TMEM63B: variants seen among roughly 807,000 people sequenced by gnomAD.
TMEM63B encodes mechanosensitive cation channel TMEM63B.
TMEM63B carries 23 observed loss-of-function variants against 102.6 expected under a neutral mutation model. The ratio of observed to expected loss-of-function variants is 0.22; its 90% confidence interval spans 0.16 to 0.32. TMEM63B has a LOEUF of 0.32. Ranked by LOEUF, TMEM63B falls within the 10% of genes least tolerant of loss-of-function variation. The pLI, the probability that TMEM63B is intolerant of heterozygous loss-of-function variation, is 1.00. For missense variants in TMEM63B, 628 were observed against 1,095.9 expected, an observed-to-expected ratio of 0.57 and a Z score of 6.03; for synonymous variants, 444 against 437.0, an observed-to-expected ratio of 1.02 and a Z score of -0.20.
In TMEM63B at chr6:44,138,462, A is replaced by G. The variant is rs2128234007; in HGVS notation, c.370-18A>G. On this transcript the variant is annotated intron_variant, in intron 5 of 23. Coordinates refer to ENST00000323267, the MANE Select transcript of TMEM63B (RefSeq NM_018426.3). The stretch of plus-strand genomic sequence containing the variant: ...TGGTGGGCTGGGGACTCCCGCTGAC[A>G]GCCCTCTGTTCCCCCAGGGTTTCTG... 6.2e-7 allele frequency: 1 copy of G among 1,614,042 alleles called. No individual in the cohort carries two copies. The highest frequency in any genetic ancestry group is 8.5e-7 in the Non-Finnish European group (1 of 1,179,996).
At chr6:44,135,913 A>G (rs1001643598) in intron 4 of TMEM63B, among the ~76,000 whole-genome samples, 1 of 151,996 alleles carries the variant, frequency 6.6e-6, no homozygotes, top group African/African-American at 2.4e-5. Flanking sequence ...GTAGGGTCCC[A>G]CCCAGGAGAC....
Position 44,152,798 on chromosome 6 carries a change from C to T in TMEM63B, c.1942+100C>T, listed in dbSNP as rs551429734. ...CAGGCCACCCCGAGTGGACAGGGCC[C>T]GGCTGGGAGACCGGCCCCTCGGGGC... On this transcript the variant is annotated intron_variant, in intron 20 of 23. Coordinates refer to ENST00000323267, the MANE Select transcript of TMEM63B (RefSeq NM_018426.3). The surrounding 1 kb of genome is among the most constrained non-coding windows in gnomAD (Gnocchi z 6.4). The T allele has an allele frequency of 6.9e-6, 7 of 1,013,026 alleles. No individual in the cohort carries two copies. The highest frequency in any genetic ancestry group is 1.4e-5 in the South Asian group (1 of 71,928). 62.8% of individuals were successfully genotyped at this position (1,013,026 alleles called of 1,614,324 possible).
intron 9 of TMEM63B, 161 bp downstream of exon 9, chr6:44,140,521 C>G: frequency 2.9e-6 from 2 of 700,084 alleles, no homozygotes; most frequent in Non-Finnish European, 5.2e-6. Flanking sequence ...CCTCCCAAGC[C>G]ATGATTTTCT....
Position 44,134,626 on chromosome 6 carries a change from C to T in TMEM63B, c.42C>T (p.Leu14=). 2 of 1,614,186 alleles carry T rather than the reference C, an allele frequency of 1.2e-6. No homozygotes were observed. The highest frequency in any genetic ancestry group is 4.5e-5 in the East Asian group (2 of 44,892). Residue 14 remains leucine, a synonymous_variant, in exon 2 of 24, where the codon CTC becomes CTT. Transcript: ENST00000323267. ...FLLATLGTTA[L]NNSNPKDYCY... ...TGGCCACACTGGGCACCACAGCCCT[C>T]AACAACAGCAACCCCAAGGACTACT...
intron 15 of TMEM63B, 147 bp from the exon 16 acceptor site, chr6:44,149,712 C>T: frequency 1.6e-6 from 1 of 641,872 alleles, no homozygotes; most frequent in Non-Finnish European, 2.7e-6. Context: ...CCCACCCTCA[C>T]CCCAGCCCTC....
intron 1 of TMEM63B, among the ~76,000 whole-genome samples, chr6:44,133,683 G>C (rs956492130): frequency 1.6e-4 from 25 of 152,236 alleles, no homozygotes; most frequent in African/African-American, 6.0e-4. Flanking sequence ...CATCAATGCA[G>C]CCGGCCAGTT....
At chr6:44,129,365 CAAAA>C (rs11331641) in intron 1 of TMEM63B, among the ~76,000 whole-genome samples, 2 of 103,144 alleles carry the variant, frequency 1.9e-5, no homozygotes, top group Non-Finnish European at 2.0e-5. Flanking sequence ...AAGACTGTCT[CAAAA>C]AAAAAAAAAA....
At chr6:44,147,708 G>T (rs1445260949) in intron 12 of TMEM63B, among the ~76,000 whole-genome samples, 1 of 152,240 alleles carries the variant, frequency 6.6e-6, no homozygotes, top group Non-Finnish European at 1.5e-5. Context: ...ATGTTGTGCT[G>T]TACCCACTGA....
intron 10 of TMEM63B, among the ~76,000 whole-genome samples, chr6:44,142,573 T>C (rs901669307): frequency 1.2e-4 from 19 of 152,130 alleles, no homozygotes; most frequent in African/African-American, 4.3e-4. Flanking sequence ...GTTCATAGTA[T>C]GGCAGTCGGC....
At chr6:44,140,105 C>T in intron 8 of TMEM63B, 147 bp from the exon 9 acceptor site, 1 of 664,862 alleles carries the variant, frequency 1.5e-6, no homozygotes, top group East Asian at 2.7e-5. Flanking sequence ...GGGATGTGGG[C>T]CTGCCTTGCG....
chr6:44,139,802 G>C (rs1763859853), intron 8 of TMEM63B, 43 bp downstream of exon 8: 2 of 1,612,792 alleles, frequency 1.2e-6, no homozygotes, highest in Non-Finnish European at 8.5e-7. Context: ...TCTACGACCA[G>C]AGTCTGGGCC....
rs1256129519 is a variant in TMEM63B at position 44,148,506 on chromosome 6, T to C, written c.1122-7T>C. The C allele has an allele frequency of 6.2e-7, 1 of 1,613,772 alleles. No individual in the cohort carries two copies. The highest frequency in any genetic ancestry group is 8.5e-7 in the Non-Finnish European group (1 of 1,179,840). On this transcript the variant is annotated splice_polypyrimidine_tract_variant and splice_region_variant and intron_variant, in intron 13 of 23. Transcript: ENST00000323267. This position sits in a 1 kb window ranked among gnomAD's most constrained non-coding sequence, Gnocchi z 5.1. ...GGGCCTGTGGTAACCAGTGCCCATC[T>C]TTCTAGCATCCTGAAGGACTTCAAC... is the stretch of plus-strand genomic sequence containing the variant.
chr6:44,139,778 C>A lies in TMEM63B; in HGVS notation c.602+19C>A. ...AATCAGGGTAAGATGCGAAGCTGGT[C>A]GGCCAGGCCAAGGTCTACGACCAGA... On this transcript the variant is annotated intron_variant, in intron 8 of 23. Transcript: ENST00000323267. 6.2e-7 allele frequency: 1 copy of A among 1,614,084 alleles called. No homozygotes were observed. Among genetic ancestry groups the A allele is most frequent in the Middle Eastern group, 1.6e-4 (1 of 6,062 alleles).
chr6:44,154,462 G>A lies in TMEM63B; in HGVS notation c.2307+17G>A, dbSNP rs747795504. ...AAATCTGCGGTGAGTGCCCTCAAGGGTTGGGAGGGGCCTCTGACAGACTCA... is the reference window on the plus strand; with the variant it reads ...AAATCTGCGGTGAGTGCCCTCAAGGATTGGGAGGGGCCTCTGACAGACTCA... On this transcript the variant is annotated intron_variant, in intron 23 of 23. Transcript: ENST00000323267. 28 of 1,613,626 alleles carry A rather than the reference G, an allele frequency of 1.7e-5. No individual in the cohort carries two copies. The highest frequency in any genetic ancestry group is 2.4e-5 in the Non-Finnish European group (28 of 1,179,816).
At chr6:44,136,838 A>G (rs1236491830) in intron 5 of TMEM63B, among the ~76,000 whole-genome samples, 2 of 152,212 alleles carry the variant, frequency 1.3e-5, no homozygotes, top group African/African-American at 2.4e-5. Flanking sequence ...CGAGGTCACT[A>G]GATGAGACCA....
intron 1 of TMEM63B, among the ~76,000 whole-genome samples, chr6:44,133,031 C>G (rs1440656357): frequency 6.6e-6 from 1 of 152,156 alleles, no homozygotes; most frequent in East Asian, 1.9e-4. Context: ...CAGTGACACT[C>G]AATTCAGGAT....
chr6:44,126,804 T>C (rs1468670861), upstream of TMEM63B: 15 of 152,204 alleles, frequency 9.9e-5, no homozygotes, highest in African/African-American at 2.9e-4. Flanking sequence ...CCAGTCTTAA[T>C]CACTGGTAGA....
chr6:44,132,103 T>C (rs1193249602), intron 1 of TMEM63B, among the ~76,000 whole-genome samples: 1 of 152,180 alleles, frequency 6.6e-6, no homozygotes, highest in African/African-American at 2.4e-5. Context: ...CAGCCCAGGC[T>C]CCACCCCTTA....
rs1765918842 is a variant in TMEM63B, at chr6:44,148,682, A to G, written c.1259+32A>G. 3.7e-6 allele frequency: 6 copies of G among 1,612,322 alleles called. No individual in the cohort carries two copies. The highest frequency in any genetic ancestry group is 5.1e-6 in the Non-Finnish European group (6 of 1,178,658). On this transcript the variant is annotated intron_variant, in intron 14 of 23. Transcript: ENST00000323267. The surrounding 1 kb of genome is among the most constrained non-coding windows in gnomAD (Gnocchi z 5.1). The stretch of plus-strand genomic sequence containing the variant: ...AAACAGGTGTCAGGGCAGGCTTTCC[A>G]GGGCCTGGGATGGGCTCAGTAGGTA...
Sources: allele counts gnomAD v4.1 joint callset (sites outside exome capture counted in the v4.1 genomes callset), GRCh38; gene constraint gnomAD v4.1.1; non-coding constraint Gnocchi (gnomAD v3.1); transcripts MANE v1.5; gene names NCBI Gene and HGNC (gene_info 2026-07-23, HGNC 2026-07-21).